Variants in PPA2 observed in about 807,000 individuals in gnomAD.
The protein encoded by PPA2 is inorganic pyrophosphatase 2, also known as inorganic pyrophosphatase 2, mitochondrial.
In PPA2, 48 loss-of-function variants were observed where a neutral mutation model predicts 49.5. The ratio of observed to expected loss-of-function variants is 0.97; its 90% confidence interval spans 0.77 to 1.23. PPA2 has a LOEUF of 1.23. Ranked by LOEUF, PPA2 falls within the 50% of genes most tolerant of loss-of-function variation. PPA2 has a pLI of 0.00. For missense variants in PPA2, 429 were observed against 410.1 expected (o/e 1.05, Z -0.40); for synonymous variants, 131 against 139.9 (o/e 0.94, Z 0.45).
intron 1 of PPA2, among the ~76,000 whole-genome samples, chr4:105,472,353 CT>C (rs1723557148): frequency 6.6e-6 from 1 of 152,202 alleles, no homozygotes; most frequent in Non-Finnish European, 1.5e-5. Flanking sequence ...AGTGTATTTA[CT>C]TTTTCCATAA....
At chr4:105,455,100 G>T (rs928035616) in intron 2 of PPA2, among the ~76,000 whole-genome samples, 3 of 152,104 alleles carry the variant, frequency 2.0e-5, no homozygotes, top group Non-Finnish European at 2.9e-5. Flanking sequence ...CAATTGAGTG[G>T]ACTATACCTA....
At chr4:105,404,821 C>CTTGT (rs1722384374) in intron 7 of PPA2, among the ~76,000 whole-genome samples, 1 of 152,152 alleles carries the variant, frequency 6.6e-6, no homozygotes, top group Non-Finnish European at 1.5e-5. Context: ...GTGGCTCACA[C>CTTGT]CTGTAATCCC....
At chr4:105,418,626 T>C (rs1428961926) in intron 7 of PPA2, among the ~76,000 whole-genome samples, 1 of 152,246 alleles carries the variant, frequency 6.6e-6, no homozygotes, top group Non-Finnish European at 1.5e-5. Flanking sequence ...ATATAACTAT[T>C]CTGATTTCGA....
chr4:105,377,342 C>G (rs1733298092), intron 10 of PPA2, among the ~76,000 whole-genome samples: 1 of 152,124 alleles, frequency 6.6e-6, no homozygotes, highest in African/African-American at 2.4e-5. Context: ...AATACCTTAT[C>G]TGCTGGACAT....
At chr4:105,398,911 A>G in intron 8 of PPA2, 126 bp downstream of exon 8, 2 of 821,590 alleles carry the variant, frequency 2.4e-6, no homozygotes, top group South Asian at 4.6e-5. Flanking sequence ...TTAAATATGT[A>G]AGTTAGTAAA....
At chr4:105,369,956 A>G (rs1324632165) in intron 11 of PPA2, among the ~76,000 whole-genome samples, 2 of 152,256 alleles carry the variant, frequency 1.3e-5, no homozygotes, top group African/African-American at 4.8e-5. Flanking sequence ...CCCAAGCCTT[A>G]TATAAAGCTA....
chr4:105,436,040 T>C (rs116103625), intron 6 of PPA2, among the ~76,000 whole-genome samples: 3,083 of 152,222 alleles, frequency 0.02, 79 homozygotes, highest in African/African-American at 0.064. Context: ...AATGACATGA[T>C]AGTGTAGCTA....
intron 10 of PPA2, among the ~76,000 whole-genome samples, chr4:105,373,005 T>TTTGG (rs1733089225): frequency 6.6e-6 from 1 of 152,174 alleles, no homozygotes; most frequent in African/African-American, 2.4e-5. Context: ...ATTTTTATCT[T>TTTGG]TTTGTTTGTT....
chr4:105,400,822 C>T (rs1271394150), intron 7 of PPA2, among the ~76,000 whole-genome samples: 5 of 151,762 alleles, frequency 3.3e-5, no homozygotes, highest in Non-Finnish European at 7.4e-5. Context: ...GGCTTTCTCC[C>T]CAAAAGTCAT....
At position 105,446,378 on chromosome 4, in the gene PPA2, G is replaced by A; in HGVS notation, c.441+5C>T. 1 of 1,541,846 alleles carries A rather than the reference G, an allele frequency of 6.5e-7. No individual in the cohort carries two copies. The highest frequency in any genetic ancestry group is 1.3e-5 in the South Asian group (1 of 78,240). On this transcript the variant is annotated splice_donor_5th_base_variant and intron_variant, in intron 5 of 11. Coordinates refer to ENST00000341695, the MANE Select transcript of PPA2 (RefSeq NM_176869.3). Reference sequence around the variant, plus strand: ...AACATTTTACCATTGTAACAAAAATGTTACCTGAGGGAGGGTACCATAATT... The same window carrying A: ...AACATTTTACCATTGTAACAAAAATATTACCTGAGGGAGGGTACCATAATT...
intron 1 of PPA2, among the ~76,000 whole-genome samples, chr4:105,465,935 C>T (rs1723283686): frequency 6.6e-6 from 1 of 152,134 alleles, no homozygotes; most frequent in Non-Finnish European, 1.5e-5. Flanking sequence ...TGGATTCAAT[C>T]TCTACGTCAC....
chr4:105,460,791 T>C (rs1027316477), intron 1 of PPA2, among the ~76,000 whole-genome samples: 3 of 151,440 alleles, frequency 2.0e-5, no homozygotes, highest in Non-Finnish European at 4.4e-5. Context: ...TGGTGTTAAA[T>C]TTCCCCAAAG....
At chr4:105,425,282 G>GGAAT (rs1578847991) in intron 6 of PPA2, among the ~76,000 whole-genome samples, 1 of 152,136 alleles carries the variant, frequency 6.6e-6, no homozygotes, top group East Asian at 1.9e-4. Context: ...GTTAGATGAT[G>GGAAT]GAATTAACAG....
chr4:105,420,615 G>A (rs72950525), intron 7 of PPA2, among the ~76,000 whole-genome samples: 184 of 152,110 alleles, frequency 1.2e-3, no homozygotes, highest in African/African-American at 4.0e-3. Context: ...ATGTTTAAAC[G>A]GTCATAAAAT....
chr4:105,415,130 G>A (rs1242275455), intron 7 of PPA2, among the ~76,000 whole-genome samples: 1 of 152,208 alleles, frequency 6.6e-6, no homozygotes, highest in East Asian at 1.9e-4. Flanking sequence ...ACGCACCTTA[G>A]GTTCTCACTC....
intron 6 of PPA2, among the ~76,000 whole-genome samples, chr4:105,433,951 T>C (rs1254440760): frequency 6.6e-6 from 1 of 152,212 alleles, no homozygotes; most frequent in Non-Finnish European, 1.5e-5. Context: ...CTGGATCATA[T>C]TTAGAGAAGG....
chr4:105,446,123 G>GAA (rs35970605), intron 5 of PPA2: 40 of 268,940 alleles, frequency 1.5e-4, no homozygotes, highest in Non-Finnish European at 1.6e-4. Flanking sequence ...GGCAAGACCA[G>GAA]AAAAAAAAAA....
At chr4:105,415,366 C>T (rs1722959041) in intron 7 of PPA2, among the ~76,000 whole-genome samples, 1 of 152,238 alleles carries the variant, frequency 6.6e-6, no homozygotes, top group Non-Finnish European at 1.5e-5. Context: ...CTCCCATGCT[C>T]GTCAGCGCCA....
intron 9 of PPA2, among the ~76,000 whole-genome samples, chr4:105,391,344 CAAAA>C (rs11373169): frequency 2.0e-5 from 2 of 102,524 alleles, no homozygotes; most frequent in African/African-American, 7.6e-5. Context: ...CTTAAAGTAA[CAAAA>C]AAAAAAAAAA....
Sources: allele counts gnomAD v4.1 joint callset (sites outside exome capture counted in the v4.1 genomes callset), GRCh38; gene constraint gnomAD v4.1.1; transcripts MANE v1.5; gene names NCBI Gene and HGNC (gene_info 2026-07-23, HGNC 2026-07-21).